The following B4GALT6 variants were observed in gnomAD, a reference collection of about 807,000 sequenced individuals.
B4GALT6 encodes UDP-Gal:beta-GlcNAc beta-1,4-galactosyltransferase 6.
In B4GALT6, 14 loss-of-function variants were observed where a neutral mutation model predicts 46.3. The observed-to-expected ratio is 0.30, with a 90% confidence interval of 0.20 to 0.47. The LOEUF (loss-of-function observed/expected upper bound fraction) is 0.47. Among genes scored for constraint, B4GALT6 ranks in the 20% least tolerant of loss-of-function variants. B4GALT6 has a pLI of 0.99. For missense variants in B4GALT6, 386 were observed against 480.1 expected (o/e 0.80, Z 1.83); for synonymous variants, 168 against 162.0 (o/e 1.04, Z -0.28).
At chr18:31,629,722 C>G (rs761010915) in intron 6 of B4GALT6, among the ~76,000 whole-genome samples, 9 of 149,888 alleles carry the variant, frequency 6.0e-5, no homozygotes, top group African/African-American at 2.2e-4. Context: ...TGGTGGCAGG[C>G]GCCTGTAGTC....
the B4GALT6 span, among the ~76,000 whole-genome samples, chr18:31,712,605 C>T: frequency 2.3e-4 from 35 of 152,268 alleles, 1 homozygote; most frequent in African/African-American, 5.5e-4. Context: ...CGTGAGCCAC[C>T]GCACCTGTCC....
the B4GALT6 span, among the ~76,000 whole-genome samples, chr18:31,692,775 C>A: frequency 3.3e-5 from 5 of 152,082 alleles, no homozygotes; most frequent in Non-Finnish European, 2.9e-5. Flanking sequence ...TGCTCTTACC[C>A]CCAAAAATAA....
chr18:31,688,262 T>TATATATATATATACAC (rs1555643347), upstream of B4GALT6, among the ~76,000 whole-genome samples: 4 of 116,778 alleles, frequency 3.4e-5, no homozygotes, highest in African/African-American at 9.6e-5. Context: ...TATATATACA[T>TATATATATATATACAC]ATATATATAT....
intron 3 of B4GALT6, among the ~76,000 whole-genome samples, chr18:31,656,426 A>G (rs930202397): frequency 1.3e-5 from 2 of 152,142 alleles, no homozygotes; most frequent in African/African-American, 4.8e-5. Flanking sequence ...CACACACAAA[A>G]AAAAGCTAAA....
At chr18:31,691,628 GTCATAAGGC>G in the B4GALT6 span, among the ~76,000 whole-genome samples, 1 of 151,954 alleles carries the variant, frequency 6.6e-6, no homozygotes, top group Admixed American at 6.6e-5. Flanking sequence ...CATATTTAAT[GTCATAAGGC>G]TCATAAGATT....
At chr18:31,710,680 A>G in the B4GALT6 span, among the ~76,000 whole-genome samples, 1 of 152,152 alleles carries the variant, frequency 6.6e-6, no homozygotes, top group Non-Finnish European at 1.5e-5. Context: ...GGTCTCCAGA[A>G]CTATGAGAGA....
intron 5 of B4GALT6, among the ~76,000 whole-genome samples, chr18:31,632,522 C>CAT (rs1265136595): frequency 1.3e-5 from 2 of 152,156 alleles, no homozygotes; most frequent in Non-Finnish European, 2.9e-5. Flanking sequence ...TATTTATCTA[C>CAT]ATATTTTGAG....
chr18:31,669,242 G>A (rs188696138), intron 1 of B4GALT6, among the ~76,000 whole-genome samples: 15 of 152,118 alleles, frequency 9.9e-5, no homozygotes, highest in East Asian at 1.9e-4. Context: ...CGTAATTTTC[G>A]AATCTCTTCT....
At chr18:31,674,459 G>A (rs1286433534) in intron 1 of B4GALT6, among the ~76,000 whole-genome samples, 1 of 152,138 alleles carries the variant, frequency 6.6e-6, no homozygotes, top group African/African-American at 2.4e-5. Context: ...AGTTACAGAA[G>A]AGAAAATGAT....
chr18:31,669,277 C>T (rs2074321956), intron 1 of B4GALT6, among the ~76,000 whole-genome samples: 2 of 152,048 alleles, frequency 1.3e-5, no homozygotes, highest in Non-Finnish European at 2.9e-5. Flanking sequence ...ATTGTTTTCT[C>T]CCCTTTTGTA....
chr18:31,625,891 A>G (rs1159194224), intron 8 of B4GALT6, 130 bp from the exon 9 acceptor site: 2 of 728,532 alleles, frequency 2.7e-6, no homozygotes, highest in Non-Finnish European at 4.0e-6. Context: ...GTTCTTGTGC[A>G]TAATTTAAGA....
At chr18:31,635,555 T>C (rs2073847438) in intron 5 of B4GALT6, among the ~76,000 whole-genome samples, 1 of 151,836 alleles carries the variant, frequency 6.6e-6, no homozygotes, top group African/African-American at 2.4e-5. Context: ...GGTAAAAAGC[T>C]GAGAGTGAGA....
At chr18:31,685,477 G>A (rs2074537130), upstream of B4GALT6, among the ~76,000 whole-genome samples, 2 of 151,452 alleles carry the variant, frequency 1.3e-5, no homozygotes, top group East Asian at 2.0e-4. Flanking sequence ...TCGGCAGGCG[G>A]CGCTGCGCCG....
At chr18:31,663,410 A>G (rs535016814) in intron 2 of B4GALT6, among the ~76,000 whole-genome samples, 1 of 152,350 alleles carries the variant, frequency 6.6e-6, no homozygotes, top group Non-Finnish European at 1.5e-5. Context: ...CAGTAATTAG[A>G]TGAATTCACT....
intron 7 of B4GALT6, 125 bp downstream of exon 7, chr18:31,626,874 G>A: frequency 2.6e-6 from 2 of 765,832 alleles, no homozygotes; most frequent in East Asian, 3.3e-5. Context: ...ATAAAACAGG[G>A]TTTAGAAACC....
At chr18:31,629,799 G>A (rs575148798) in intron 6 of B4GALT6, among the ~76,000 whole-genome samples, 6 of 145,784 alleles carry the variant, frequency 4.1e-5, no homozygotes, top group African/African-American at 1.0e-4. Flanking sequence ...GCAGTGAGCC[G>A]AGATCGCACC....
the B4GALT6 span, among the ~76,000 whole-genome samples, chr18:31,706,659 T>C: frequency 2.4e-3 from 364 of 152,028 alleles, 2 homozygotes; most frequent in Non-Finnish European, 3.8e-3. Flanking sequence ...AAAAAGAACA[T>C]CATGTAACTT....
intron 3 of B4GALT6, among the ~76,000 whole-genome samples, chr18:31,651,638 C>G (rs558299394): frequency 6.6e-6 from 1 of 152,258 alleles, no homozygotes; most frequent in East Asian, 1.9e-4. Context: ...CGGGCTTCCT[C>G]AGGGGAGGAG....
intron 2 of B4GALT6, 27 bp from the exon 3 acceptor site, chr18:31,658,116 A>G: frequency 2.2e-6 from 3 of 1,373,514 alleles, no homozygotes; most frequent in South Asian, 1.4e-5. Flanking sequence ...AGAGTTACAA[A>G]AAAAAAAAAA....
Sources: allele counts gnomAD v4.1 joint callset (sites outside exome capture counted in the v4.1 genomes callset), GRCh38; gene constraint gnomAD v4.1.1; transcripts MANE v1.5; gene names NCBI Gene and HGNC (gene_info 2026-07-23, HGNC 2026-07-21).